PSMA1: variants seen among roughly 807,000 people sequenced by gnomAD.
PSMA1 encodes the protein proteasome subunit alpha type-1.
In PSMA1, 3 loss-of-function variants were observed where a neutral mutation model predicts 38.4. The ratio of observed to expected loss-of-function variants is 0.08; its 90% confidence interval spans 0.04 to 0.20. The LOEUF is 0.20. PSMA1 is among the 10% of genes least tolerant of loss of function. The pLI is 1.00. For missense variants in PSMA1, 227 were observed against 325.3 expected (o/e 0.70, Z 2.32); for synonymous variants, 101 against 107.1 (o/e 0.94, Z 0.35).
At chr11:14,585,261 T>A (rs1037819886) in intron 2 of PSMA1, among the ~76,000 whole-genome samples, 2 of 152,168 alleles carry the variant, frequency 1.3e-5, no homozygotes, top group Non-Finnish European at 2.9e-5. Context: ...TTCTTTCTGC[T>A]TCCCTTCTTT....
At chr11:14,620,740 T>C (rs981134707) in intron 1 of PSMA1, among the ~76,000 whole-genome samples, 68 of 152,218 alleles carry the variant, frequency 4.5e-4, no homozygotes, top group African/African-American at 1.6e-3. Flanking sequence ...GATGAAAGAA[T>C]TCATGTTTAG....
intron 2 of PSMA1, among the ~76,000 whole-genome samples, chr11:14,586,516 C>A (rs1255687459): frequency 6.6e-6 from 1 of 151,788 alleles, no homozygotes. Flanking sequence ...TTTCATTATT[C>A]TTTATACTGT....
At chr11:14,559,822 G>A (rs1251364858) in intron 2 of PSMA1, among the ~76,000 whole-genome samples, 3 of 152,180 alleles carry the variant, frequency 2.0e-5, no homozygotes, top group African/African-American at 7.2e-5. Flanking sequence ...CCTAGAAATA[G>A]ACTCTGAGAT....
intron 2 of PSMA1, among the ~76,000 whole-genome samples, chr11:14,605,783 T>A (rs1158672825): frequency 6.6e-6 from 1 of 152,250 alleles, no homozygotes; most frequent in African/African-American, 2.4e-5. Flanking sequence ...ATTGGATGCA[T>A]ACTTTGCAAA....
intron 2 of PSMA1, among the ~76,000 whole-genome samples, chr11:14,592,477 C>T (rs1388630705): frequency 6.6e-6 from 1 of 151,962 alleles, no homozygotes; most frequent in African/African-American, 2.4e-5. Flanking sequence ...GCTCCACCTC[C>T]TGGTTTCACG....
At chr11:14,628,907 C>G (rs953024331) in intron 1 of PSMA1, among the ~76,000 whole-genome samples, 1 of 151,110 alleles carries the variant, frequency 6.6e-6, no homozygotes, top group Admixed American at 6.6e-5. Flanking sequence ...TTGCATTTCT[C>G]GGATGGCCAG....
chr11:14,512,810 G>A (rs1189855482), intron 7 of PSMA1, among the ~76,000 whole-genome samples: 1 of 152,166 alleles, frequency 6.6e-6, no homozygotes, highest in African/African-American at 2.4e-5. Flanking sequence ...TCCAAATTTA[G>A]GGGTAACCTT....
intron 2 of PSMA1, among the ~76,000 whole-genome samples, chr11:14,602,522 ATTAT>A (rs895349974): frequency 1.3e-5 from 2 of 152,076 alleles, no homozygotes; most frequent in Non-Finnish European, 2.9e-5. Context: ...ATGTATATAT[ATTAT>A]TTTTCTTGTA....
chr11:14,535,525 C>A (rs1012168359), intron 2 of PSMA1, among the ~76,000 whole-genome samples: 67 of 151,294 alleles, frequency 4.4e-4, no homozygotes, highest in African/African-American at 1.5e-3. Flanking sequence ...CTCACTGCAA[C>A]CTCCGCCTCC....
chr11:14,540,699 T>G (rs1178416091), intron 2 of PSMA1, among the ~76,000 whole-genome samples: 1 of 152,228 alleles, frequency 6.6e-6, no homozygotes, highest in Non-Finnish European at 1.5e-5. Context: ...AAAGCCCAGT[T>G]AAAGAAGAAG....
intron 2 of PSMA1, among the ~76,000 whole-genome samples, chr11:14,564,650 C>G (rs547877783): frequency 2.7e-4 from 41 of 152,268 alleles, no homozygotes; most frequent in Admixed American, 7.2e-4. Context: ...TTTTACTTTC[C>G]ACCAGCAATG....
At chr11:14,608,152 A>C (rs1158994174) in intron 2 of PSMA1, among the ~76,000 whole-genome samples, 1 of 152,130 alleles carries the variant, frequency 6.6e-6, no homozygotes, top group Non-Finnish European at 1.5e-5. Flanking sequence ...GGAGTTTGAG[A>C]CCAACTTGGG....
chr11:14,531,394 C>A (rs1851646417), intron 2 of PSMA1, among the ~76,000 whole-genome samples: 1 of 152,132 alleles, frequency 6.6e-6, no homozygotes, highest in African/African-American at 2.4e-5. Flanking sequence ...GTTTTCTGTT[C>A]CTGTGTTAGT....
intron 2 of PSMA1, among the ~76,000 whole-genome samples, chr11:14,531,250 T>C (rs896596195): frequency 6.6e-6 from 1 of 152,174 alleles, no homozygotes; most frequent in African/African-American, 2.4e-5. Flanking sequence ...ATGCACATAG[T>C]GAGCATAGTA....
intron 2 of PSMA1, among the ~76,000 whole-genome samples, chr11:14,552,240 C>T (rs1451540479): frequency 2.0e-5 from 3 of 152,046 alleles, no homozygotes; most frequent in African/African-American, 4.8e-5. Flanking sequence ...TTCCCGAGTC[C>T]GAAGCATCAC....
chr11:14,515,725 T>G (rs908942307), intron 4 of PSMA1, among the ~76,000 whole-genome samples: 14 of 151,620 alleles, frequency 9.2e-5, no homozygotes, highest in African/African-American at 3.4e-4. Flanking sequence ...AGCTAATTTT[T>G]TTATTTTTAG....
chr11:14,527,722 G>A (rs1195478254), intron 2 of PSMA1, among the ~76,000 whole-genome samples: 1 of 152,132 alleles, frequency 6.6e-6, no homozygotes, highest in African/African-American at 2.4e-5. Flanking sequence ...GAAGGCCACC[G>A]CGGTCATTTC....
intron 1 of PSMA1, among the ~76,000 whole-genome samples, chr11:14,612,172 T>C (rs757203682): frequency 5.3e-5 from 8 of 152,172 alleles, no homozygotes; most frequent in Non-Finnish European, 1.0e-4. Context: ...GGTGTGAAGT[T>C]TTATTATGAA....
chr11:14,608,985 T>C (rs568662767), intron 2 of PSMA1, among the ~76,000 whole-genome samples: 4 of 152,306 alleles, frequency 2.6e-5, no homozygotes, highest in African/African-American at 9.6e-5. Flanking sequence ...TACTCAGTCC[T>C]GGTCAAGAGA....
Sources: gnomAD v4.1 joint callset for allele counts (sites outside exome capture counted in the v4.1 genomes callset) on GRCh38, gnomAD v4.1.1 for gene constraint, MANE v1.5 for transcripts, NCBI Gene and HGNC (gene_info 2026-07-23, HGNC 2026-07-21) for gene names.